BAZ2B: variants seen among roughly 807,000 people sequenced by gnomAD.
The protein encoded by BAZ2B is bromodomain adjacent to zinc finger domain protein 2B.
BAZ2B carries 91 observed loss-of-function variants against 246.0 expected under a neutral mutation model. The observed-to-expected ratio is 0.37, with a 90% CI of 0.31 to 0.44. The LOEUF is 0.44. BAZ2B is among the 20% of genes least tolerant of loss of function. BAZ2B has a pLI of 1.00. For synonymous variants in BAZ2B, 855 were observed against 860.0 expected, an observed-to-expected ratio of 0.99 and a Z score of 0.10; for missense variants, 2,332 against 2,533.7, an observed-to-expected ratio of 0.92 and a Z score of 1.71.
chr2:159,634,093 G>A, the BAZ2B span, among the ~76,000 whole-genome samples: 2 of 152,112 alleles, frequency 1.3e-5, no homozygotes, highest in East Asian at 3.9e-4. Context: ...ATTCAATAAT[G>A]AGTACAATTT....
chr2:159,409,049 T>C (rs1020916647), intron 14 of BAZ2B, among the ~76,000 whole-genome samples: 1 of 151,502 alleles, frequency 6.6e-6, no homozygotes, highest in East Asian at 1.9e-4. Flanking sequence ...ATTTATTTGT[T>C]TTTTTTTTGG....
intron 1 of BAZ2B, among the ~76,000 whole-genome samples, chr2:159,569,126 A>C (rs1299986590): frequency 6.6e-6 from 1 of 152,204 alleles, no homozygotes; most frequent in African/African-American, 2.4e-5. Flanking sequence ...TATAAATGAA[A>C]CATAAGCATT....
At chr2:159,408,258 C>T (rs753972390) in intron 14 of BAZ2B, among the ~76,000 whole-genome samples, 2 of 152,144 alleles carry the variant, frequency 1.3e-5, no homozygotes, top group African/African-American at 2.4e-5. Flanking sequence ...CTGTAGCCTC[C>T]AACTCCTGGG....
intron 16 of BAZ2B, among the ~76,000 whole-genome samples, chr2:159,402,481 A>G (rs1268393038): frequency 6.6e-6 from 1 of 151,964 alleles, no homozygotes; most frequent in East Asian, 1.9e-4. Flanking sequence ...AAAACAAAAC[A>G]AAAAACAAAA....
At chr2:159,688,964 T>A in the BAZ2B span, among the ~76,000 whole-genome samples, 1 of 152,240 alleles carries the variant, frequency 6.6e-6, no homozygotes, top group African/African-American at 2.4e-5. Context: ...ATGTCATGTA[T>A]GTCCATTGTA....
At chr2:159,400,719 A>G (rs1249841237) in intron 16 of BAZ2B, 55 bp from the exon 17 acceptor site, 1 of 1,033,762 alleles carries the variant, frequency 9.7e-7, no homozygotes, top group Admixed American at 2.1e-5. Flanking sequence ...CTGAGTAAAG[A>G]GTATTTGAGT....
the BAZ2B span, among the ~76,000 whole-genome samples, chr2:159,675,011 G>C: frequency 6.6e-6 from 1 of 152,080 alleles, no homozygotes; most frequent in Non-Finnish European, 1.5e-5. Context: ...TATATAAAAC[G>C]CTCTTGGGGA....
chr2:159,592,645 C>T (rs977959129), intron 1 of BAZ2B, among the ~76,000 whole-genome samples: 1 of 152,186 alleles, frequency 6.6e-6, no homozygotes, highest in African/African-American at 2.4e-5. Context: ...ACCATGTGAT[C>T]AAGAACTAAG....
At chr2:159,337,495 G>C (rs780290419) in intron 32 of BAZ2B, 72 bp downstream of exon 32, 31 of 1,612,858 alleles carry the variant, frequency 1.9e-5, no homozygotes, top group Non-Finnish European at 2.5e-5. Context: ...TGGTGCAGGA[G>C]CAGGGACAGT....
At chr2:159,445,783 C>G (rs1489319682) in intron 6 of BAZ2B, among the ~76,000 whole-genome samples, 1 of 152,084 alleles carries the variant, frequency 6.6e-6, no homozygotes, top group African/African-American at 2.4e-5. Flanking sequence ...CCATTGGCAG[C>G]CACAGCGTAA....
chr2:159,401,961 A>G (rs1365541997), intron 16 of BAZ2B, among the ~76,000 whole-genome samples: 1 of 152,160 alleles, frequency 6.6e-6, no homozygotes, highest in Non-Finnish European at 1.5e-5. Context: ...AGTTGTACCT[A>G]TTGAAGCTAT....
chr2:159,673,059 G>A, the BAZ2B span, among the ~76,000 whole-genome samples: 1 of 152,050 alleles, frequency 6.6e-6, no homozygotes, highest in Non-Finnish European at 1.5e-5. Flanking sequence ...AACATCGTAA[G>A]TAAAGTCCAA....
intron 4 of BAZ2B, among the ~76,000 whole-genome samples, chr2:159,453,032 G>A (rs962767007): frequency 2.0e-5 from 3 of 152,158 alleles, no homozygotes; most frequent in African/African-American, 4.8e-5. Context: ...CCTAGAAGGC[G>A]GAGGTTGCAG....
the BAZ2B span, among the ~76,000 whole-genome samples, chr2:159,692,740 T>A: frequency 6.6e-6 from 1 of 152,126 alleles, no homozygotes; most frequent in Non-Finnish European, 1.5e-5. Flanking sequence ...ACCTGTGCAG[T>A]TCAAACTTGT....
chr2:159,348,972 G>C (rs2058273209), intron 29 of BAZ2B, 35 bp downstream of exon 29: 1 of 1,603,318 alleles, frequency 6.2e-7, no homozygotes, highest in Admixed American at 1.7e-5. Flanking sequence ...TATTGAAATT[G>C]AGTAAGTGGC....
chr2:159,593,730 T>C (rs183630408), intron 1 of BAZ2B, among the ~76,000 whole-genome samples: 2 of 152,332 alleles, frequency 1.3e-5, no homozygotes, highest in Admixed American at 6.5e-5. Flanking sequence ...AGTCACCTAA[T>C]AGTTGTCTAG....
At chr2:159,684,571 G>T in the BAZ2B span, among the ~76,000 whole-genome samples, 1 of 152,096 alleles carries the variant, frequency 6.6e-6, no homozygotes, top group African/African-American at 2.4e-5. Context: ...GTGCAATCAT[G>T]GTCCACTGCA....
chr2:159,631,716 C>G, the BAZ2B span, among the ~76,000 whole-genome samples: 1 of 152,122 alleles, frequency 6.6e-6, no homozygotes, highest in Non-Finnish European at 1.5e-5. Flanking sequence ...CATAATTATA[C>G]TAAAAAAACC....
At chr2:159,409,109 C>G (rs1459580367) in intron 14 of BAZ2B, among the ~76,000 whole-genome samples, 1 of 151,356 alleles carries the variant, frequency 6.6e-6, no homozygotes, top group East Asian at 1.9e-4. Context: ...TGGAAAGTAT[C>G]TTTTGTGGCT....
Sources: gnomAD v4.1 joint callset for allele counts (sites outside exome capture counted in the v4.1 genomes callset) on GRCh38, gnomAD v4.1.1 for gene constraint, MANE v1.5 for transcripts, NCBI Gene and HGNC (gene_info 2026-07-23, HGNC 2026-07-21) for gene names.